The following ZNF136 variants were observed in gnomAD, a reference collection of about 807,000 sequenced individuals.
ZNF136 encodes zinc finger protein 136 (clone pHZ-20).
A neutral mutation model predicts 11.4 loss-of-function variants in ZNF136; 8 were observed. That is an observed-to-expected ratio of 0.70 (90% CI 0.41 to 1.27). ZNF136 has a LOEUF of 1.27. Among genes scored for constraint, ZNF136 ranks in the 50% most tolerant of loss-of-function variants. The pLI, the probability that ZNF136 is intolerant of heterozygous loss-of-function variation, is 0.01. For missense variants in ZNF136, 590 were observed against 656.5 expected, an observed-to-expected ratio of 0.90 and a Z score of 1.11; for synonymous variants, 190 against 207.1, an observed-to-expected ratio of 0.92 and a Z score of 0.71.
chr19:12,177,886 T>C (rs1914840649), intron 1 of ZNF136, among the ~76,000 whole-genome samples: 1 of 152,154 alleles, frequency 6.6e-6, no homozygotes, highest in Non-Finnish European at 1.5e-5. Context: ...GGCAGGTGGA[T>C]TGCCAGATCT....
Position 12,186,577 on chromosome 19 carries a change from A to G in ZNF136, c.199A>G (p.Met67Val), listed in dbSNP as rs140861589. ...KHRGRNLRSH[M>V]LERLYQTKDG... ...CCGTCTCATTTTTTACAGAAGTCAT[A>G]TGTTAGAAAGACTCTATCAAACTAA... The change falls in exon 4 of 4, where the codon ATG becomes GTG. Residue 67 changes from methionine to valine, a missense_variant. By Grantham distance (21) the Met-to-Val change is conservative (BLOSUM62 1). Coordinates refer to ENST00000343979, the MANE Select transcript of ZNF136 (RefSeq NM_003437.5). 326 of 1,601,780 alleles carry G rather than the reference A, an allele frequency of 2.0e-4. 2 individuals are homozygous for G. In the Middle Eastern group the frequency reaches 7.8e-3, roughly 39 times the overall value.
intron 1 of ZNF136, among the ~76,000 whole-genome samples, chr19:12,180,467 AG>A (rs1487046517): frequency 1.4e-4 from 21 of 152,172 alleles, no homozygotes; most frequent in Admixed American, 1.4e-3. Flanking sequence ...GAGAAAGGAG[AG>A]GGGTTGAAAA....
rs377713349 is a variant in ZNF136 at position 12,186,802 on chromosome 19, C to T, written c.424C>T (p.Arg142Cys). Residue 142 changes from arginine to cysteine, a missense_variant, in exon 4 of 4, where the codon CGT (arginine) becomes TGT (cysteine). Transcript: ENST00000343979. ...YQEYGEKPDT[R>C]NQCWKPFSSH... ...GGAATATGGAGAGAAGCCAGATACA[C>T]GTAACCAGTGTTGGAAACCCTTCAG... 1.5e-5 allele frequency: 25 copies of T among 1,614,022 alleles called. No individual in the cohort carries two copies. The highest frequency in any genetic ancestry group is 2.0e-5 in the Non-Finnish European group (24 of 1,180,020).
chr19:12,164,004 A>G (rs979418566), intron 1 of ZNF136, among the ~76,000 whole-genome samples: 1 of 151,866 alleles, frequency 6.6e-6, no homozygotes, highest in African/African-American at 2.4e-5. Context: ...GGGTTTCAAA[A>G]CTGTCTGGGG....
intron 1 of ZNF136, among the ~76,000 whole-genome samples, chr19:12,173,588 T>G (rs1191464294): frequency 1.3e-5 from 2 of 152,204 alleles, no homozygotes; most frequent in East Asian, 3.9e-4. Flanking sequence ...GCCCTATGCT[T>G]CTCCACCTGG....
At chr19:12,173,387 C>T (rs1914709023) in intron 1 of ZNF136, among the ~76,000 whole-genome samples, 1 of 152,078 alleles carries the variant, frequency 6.6e-6, no homozygotes, top group Non-Finnish European at 1.5e-5. Flanking sequence ...ATGCTTTTAT[C>T]ATTCCTATTG....
chr19:12,187,112 A>G lies in ZNF136; in HGVS notation c.734A>G (p.Lys245Arg). The G allele has an allele frequency of 6.2e-7, 1 of 1,614,100 alleles. No homozygotes were observed. Among genetic ancestry groups the G allele is most frequent in the South Asian group, 1.1e-5 (1 of 91,072 alleles). The change falls in exon 4 of 4, where the codon AAG (lysine) becomes AGG (arginine). Residue 245 changes from lysine to arginine, a missense_variant. Transcript: ENST00000343979. Reference protein sequence around the residue: ...CITSVRRHMIKHTGDGPYKCK... With the variant: ...CITSVRRHMIRHTGDGPYKCK... ...ACAAGTGTTCGAAGACACATGATAA[A>G]GCACACTGGAGATGGACCTTATAAA...
At chr19:12,164,125 T>C (rs745703855) in intron 1 of ZNF136, among the ~76,000 whole-genome samples, 1 of 152,154 alleles carries the variant, frequency 6.6e-6, no homozygotes, top group South Asian at 2.1e-4. Context: ...GAGAATGCCC[T>C]GGGACTAGGA....
At chr19:12,175,254 A>T (rs1434201976) in intron 1 of ZNF136, among the ~76,000 whole-genome samples, 1 of 150,572 alleles carries the variant, frequency 6.6e-6, no homozygotes, top group Non-Finnish European at 1.5e-5. Flanking sequence ...GAGTGCAGTG[A>T]TGCTATCTTG....
At chr19:12,164,439 C>T in intron 1 of ZNF136, among the ~76,000 whole-genome samples, 1 of 122,854 alleles carries the variant, frequency 8.1e-6, no homozygotes, top group African/African-American at 3.2e-5. Flanking sequence ...TCCCAGATAA[C>T]TTTTTTTTTT....
chr19:12,171,552 G>C (rs1358583697), intron 1 of ZNF136, among the ~76,000 whole-genome samples: 1 of 151,928 alleles, frequency 6.6e-6, no homozygotes, highest in African/African-American at 2.4e-5. Context: ...TATATTTATT[G>C]CTTCATTTCT....
At chr19:12,179,259 C>T (rs2164985) in intron 1 of ZNF136, among the ~76,000 whole-genome samples, 2,155 of 151,128 alleles carry the variant, frequency 0.014, 45 homozygotes, top group African/African-American at 0.05. Flanking sequence ...GTAAACCATA[C>T]GTGACTGTGT....
At chr19:12,180,846 C>A (rs770903721) in intron 1 of ZNF136, among the ~76,000 whole-genome samples, 1 of 152,152 alleles carries the variant, frequency 6.6e-6, no homozygotes, top group Non-Finnish European at 1.5e-5. Flanking sequence ...GTATCTGGAA[C>A]CTGGAGGAAG....
Position 12,167,403 on chromosome 19 carries a change from G to C in ZNF136, c.3+4197G>C, listed in dbSNP as rs376734020. Among the ~76,000 whole-genome samples, 7 of 152,314 alleles carry C rather than the reference G, an allele frequency of 4.6e-5. No individual in the cohort carries two copies. In the South Asian group the frequency reaches 1.2e-3, roughly 27 times the overall value. ...CCCACTGATCAGTGAAGACAAAACT[G>C]TTCAGCTAATGTTTTATGAAGCAAA... On this transcript the variant is annotated intron_variant, in intron 1 of 3. Transcript: ENST00000343979.
intron 2 of ZNF136, 57 bp downstream of exon 2, chr19:12,185,968 G>C (rs1425367434): frequency 6.2e-7 from 1 of 1,610,312 alleles, no homozygotes; most frequent in Admixed American, 1.7e-5. Flanking sequence ...TTCTTGTGCA[G>C]TGATGCTGTT....
At chr19:12,176,554 T>A (rs550289574) in intron 1 of ZNF136, among the ~76,000 whole-genome samples, 1 of 152,264 alleles carries the variant, frequency 6.6e-6, no homozygotes, top group East Asian at 1.9e-4. Context: ...CTCAAACTCC[T>A]GACCTCAGGT....
intron 1 of ZNF136, among the ~76,000 whole-genome samples, chr19:12,166,851 T>C (rs992019288): frequency 5.9e-5 from 9 of 152,152 alleles, no homozygotes; most frequent in African/African-American, 2.2e-4. Context: ...ACATGAGGTA[T>C]GTAAAGGGAA....
At position 12,188,406 on chromosome 19, in the gene ZNF136, GAGAA is replaced by G. The variant is rs1293763302; in HGVS notation, c.*408_*411del. On this transcript the variant is annotated 3_prime_UTR_variant, in exon 4 of 4. Transcript: ENST00000343979. ...TGAAGCCATGAAAGAACACACAAAAGAGAAAGCTCTTGAATATAAGCAATGTCCA... is the reference window on the plus strand; with the variant it reads ...TGAAGCCATGAAAGAACACACAAAAGAGCTCTTGAATATAAGCAATGTCCA... The G allele has an allele frequency of 6.2e-6, 1 of 160,122 alleles. No homozygotes were observed. Among genetic ancestry groups the G allele is most frequent in the African/African-American group, 2.4e-5 (1 of 41,668 alleles). The allele number at this position is 160,122 out of a possible 1,614,324, so 9.9% of individuals were successfully genotyped here.
At chr19:12,174,979 C>G (rs1051588685) in intron 1 of ZNF136, among the ~76,000 whole-genome samples, 8 of 151,610 alleles carry the variant, frequency 5.3e-5, no homozygotes, top group Admixed American at 5.3e-4. Context: ...GCCTCAGCCT[C>G]CCGAGTAGCT....
Sources: gnomAD v4.1 joint callset for allele counts (sites outside exome capture counted in the v4.1 genomes callset) on GRCh38, gnomAD v4.1.1 for gene constraint, MANE v1.5 for transcripts, NCBI Gene and HGNC (gene_info 2026-07-23, HGNC 2026-07-21) for gene names.